UBE2O: variants seen among roughly 807,000 people sequenced by gnomAD.
UBE2O encodes the protein (E3-independent) E2 ubiquitin-conjugating enzyme.
A neutral mutation model predicts 125.8 loss-of-function variants in UBE2O; 15 were observed. That is an observed-to-expected ratio of 0.12 (90% CI 0.08 to 0.18). The LOEUF is 0.18. UBE2O is among the 10% of genes least tolerant of loss of function. The pLI is 1.00. For missense variants in UBE2O, 1,280 were observed against 1,723.6 expected (o/e 0.74, Z 4.56); for synonymous variants, 708 against 703.2 (o/e 1.01, Z -0.11).
chr17:76,395,494 G>A lies in UBE2O; in HGVS notation c.2946+231C>T. On this transcript the variant is annotated intron_variant, in intron 15 of 17. Coordinates refer to ENST00000319380, the MANE Select transcript of UBE2O (RefSeq NM_022066.4). The surrounding 1 kb of genome is among the most constrained non-coding windows in gnomAD (Gnocchi z 5.0). ...GGTGTGAGCCACTGCGCCCGGCCGA[G>A]AAAGTAATTTTTTAAAGGAGGGAGG... 1 of 489,022 alleles carries A rather than the reference G, an allele frequency of 2.0e-6. No homozygotes were observed. The allele number at this position is 489,022 out of a possible 1,614,324, so 30.3% of individuals were successfully genotyped here.
rs112775865 is a variant in UBE2O at position 76,392,218 on chromosome 17, A to G, written c.2947-105T>C. The G allele has an allele frequency of 3.3e-4, 224 of 681,808 alleles. No individual in the cohort carries two copies. The Middle Eastern group carries it at 3.7e-3, about 11-fold the overall frequency. 42.2% of individuals were successfully genotyped at this position (681,808 alleles called of 1,614,324 possible). A position where few individuals can be genotyped will look rare whatever the true frequency, so the allele number is the denominator to read the frequency against. On this transcript the variant is annotated intron_variant, in intron 15 of 17. Coordinates refer to ENST00000319380, the MANE Select transcript of UBE2O (RefSeq NM_022066.4). ...CCTGCTCTTTCCCAGGACACTGTGCAGATCACGCAGGAAGAGCAGCACCTG... is the reference window on the plus strand; with the variant it reads ...CCTGCTCTTTCCCAGGACACTGTGCGGATCACGCAGGAAGAGCAGCACCTG...
At chr17:76,401,248 C>T (rs1281355511) in intron 5 of UBE2O, 94 bp from the exon 6 acceptor site, 8 of 1,445,430 alleles carry the variant, frequency 5.5e-6, no homozygotes, top group Non-Finnish European at 7.5e-6. Flanking sequence ...TGCCCACCTG[C>T]AGAAGCCCAC....
intron 1 of UBE2O, among the ~76,000 whole-genome samples, chr17:76,430,127 C>T (rs765290648): frequency 2.6e-5 from 4 of 152,158 alleles, no homozygotes; most frequent in African/African-American, 4.8e-5. Context: ...CAGGTACCAA[C>T]ATTTCAGCCT....
At chr17:76,406,825 G>A (rs1332478308) in intron 1 of UBE2O, among the ~76,000 whole-genome samples, 2 of 146,556 alleles carry the variant, frequency 1.4e-5, no homozygotes, top group African/African-American at 5.1e-5. Context: ...TCAGCCTCCC[G>A]AGTAGGTGGG....
chr17:76,393,790 G>A lies in UBE2O; in HGVS notation c.2947-1677C>T, dbSNP rs994505340. 5.3e-5 allele frequency among the ~76,000 whole-genome samples: 8 copies of A among 152,084 alleles called. 1 individual carries two copies. The highest frequency in any genetic ancestry group is 4.2e-4 in the South Asian group (2 of 4,798). On this transcript the variant is annotated intron_variant, in intron 15 of 17. Coordinates refer to ENST00000319380, the MANE Select transcript of UBE2O (RefSeq NM_022066.4). ...TTTGCGTGCATCTGTGCACACACGC[G>A]TGTGTGTGGGATCTCAACTGACAGG...
At chr17:76,420,033 C>G (rs1348490877) in intron 1 of UBE2O, among the ~76,000 whole-genome samples, 10 of 152,192 alleles carry the variant, frequency 6.6e-5, no homozygotes, top group Admixed American at 6.5e-5. Flanking sequence ...CAGCAGAAAG[C>G]TGCTGCCTCA....
intron 1 of UBE2O, among the ~76,000 whole-genome samples, chr17:76,412,872 G>C (rs1192686420): frequency 6.6e-6 from 1 of 152,158 alleles, no homozygotes; most frequent in Non-Finnish European, 1.5e-5. Context: ...CCTGGGCGTG[G>C]TGGTGGGCAC....
Position 76,397,883 on chromosome 17 carries a change from C to G in UBE2O, c.2031G>C (p.Ser677=). 6.2e-7 allele frequency: 1 copy of G among 1,614,050 alleles called. No individual in the cohort carries two copies. The highest frequency in any genetic ancestry group is 8.5e-7 in the Non-Finnish European group (1 of 1,180,032). Residue 677 remains serine (S), a synonymous_variant, in exon 13 of 18, where the codon TCG becomes TCC. Coordinates refer to ENST00000319380, the MANE Select transcript of UBE2O (RefSeq NM_022066.4). The part of the protein sequence containing the change: ...DGAPHKEDEP[S]VGQVARVDVS... ...CGTCCACACGGGCCACCTGGCCCAC[C>G]GATGGCTGCTGGGCAAAGGGGACAA...
chr17:76,438,435 T>C (rs745860384), intron 1 of UBE2O, among the ~76,000 whole-genome samples: 3 of 152,182 alleles, frequency 2.0e-5, no homozygotes, highest in Admixed American at 6.5e-5. Context: ...ATGTCCCTAC[T>C]CCTGCTCTGT....
chr17:76,399,475 G>C lies in UBE2O; in HGVS notation c.1602C>G (p.Ile534Met). ...TGTCCCCTGGCTTGAAGTCTCGAGT[G>C]ATTTTATTCTTCTTCCTCTTGTGTT... ...KRKHKRKKNK[I>M]TRDFKPGDRV... The change falls in exon 9 of 18, where the codon ATC becomes ATG. Residue 534 changes from isoleucine (I) to methionine (M), a missense_variant. Coordinates refer to ENST00000319380, the MANE Select transcript of UBE2O (RefSeq NM_022066.4). The surrounding 1 kb of genome is among the most constrained non-coding windows in gnomAD (Gnocchi z 6.9). 6.2e-7 allele frequency: 1 copy of C among 1,614,140 alleles called. No individual in the cohort carries two copies. The highest frequency in any genetic ancestry group is 1.1e-5 in the South Asian group (1 of 91,070).
At chr17:76,418,670 C>T (rs970639391) in intron 1 of UBE2O, among the ~76,000 whole-genome samples, 8 of 151,710 alleles carry the variant, frequency 5.3e-5, no homozygotes, top group Non-Finnish European at 7.4e-5. Flanking sequence ...CCTGGGTTCA[C>T]GCCATTCTCC....
chr17:76,415,811 G>C lies in UBE2O; in HGVS notation c.418-10239C>G, dbSNP rs1329476651. Among the ~76,000 whole-genome samples, 9 of 151,792 alleles carry C rather than the reference G, an allele frequency of 5.9e-5. No homozygotes were observed. In the East Asian group the frequency reaches 1.7e-3, roughly 29 times the overall value. On this transcript the variant is annotated intron_variant, in intron 1 of 17. Coordinates refer to ENST00000319380, the MANE Select transcript of UBE2O (RefSeq NM_022066.4). Reference sequence around the variant, plus strand: ...AGAGCAAGACTGTGTGTGTGTGTGTGTGTGTGTGTGTGTGTGTGCATACAC... The same window carrying C: ...AGAGCAAGACTGTGTGTGTGTGTGTCTGTGTGTGTGTGTGTGTGCATACAC...
intron 1 of UBE2O, among the ~76,000 whole-genome samples, chr17:76,422,302 G>A (rs1007378288): frequency 2.6e-5 from 4 of 152,262 alleles, no homozygotes; most frequent in East Asian, 1.9e-4. Context: ...GGCAAAGGGC[G>A]GCTCACTTTA....
In UBE2O at chr17:76,398,113, G is replaced by A; in HGVS notation, c.2025+142C>T. On this transcript the variant is annotated intron_variant, in intron 12 of 17. Transcript: ENST00000319380. The surrounding 1 kb of genome is among the most constrained non-coding windows in gnomAD (Gnocchi z 5.4). The stretch of plus-strand genomic sequence containing the variant: ...TAGTGCTGAGCGGCAGCTTGACTCT[G>A]GGGCAGCTGCCCTTCTGAGGACACT... 3 of 1,192,672 alleles carry A rather than the reference G, an allele frequency of 2.5e-6. No individual in the cohort carries two copies. Among genetic ancestry groups the A allele is most frequent in the Non-Finnish European group, 3.6e-6 (3 of 836,878 alleles). 73.9% of individuals were successfully genotyped at this position (1,192,672 alleles called of 1,614,324 possible). A position where few individuals can be genotyped will look rare whatever the true frequency, so the allele number is the denominator to read the frequency against.
At chr17:76,416,093 A>G (rs372651010) in intron 1 of UBE2O, among the ~76,000 whole-genome samples, 3 of 151,590 alleles carry the variant, frequency 2.0e-5, no homozygotes, top group South Asian at 4.1e-4. Context: ...ATGTACATAC[A>G]TGTATATGCG....
At position 76,398,683 on chromosome 17, in the gene UBE2O, G is replaced by A. The variant is rs569150944; in HGVS notation, c.1784-99C>T. Reference sequence around the variant, plus strand: ...GAGTGCAGAACCCTGACCTTCCCCCGTCTTGGAAGTGGTGAGACCCCTTCA... The same window carrying A: ...GAGTGCAGAACCCTGACCTTCCCCCATCTTGGAAGTGGTGAGACCCCTTCA... On this transcript the variant is annotated intron_variant, in intron 10 of 17. Coordinates refer to ENST00000319380, the MANE Select transcript of UBE2O (RefSeq NM_022066.4). This position sits in a 1 kb window ranked among gnomAD's most constrained non-coding sequence, Gnocchi z 5.4. The A allele has an allele frequency of 5.8e-5, 85 of 1,466,548 alleles. No individual in the cohort carries two copies. The East Asian group carries it at 7.3e-4, about 13-fold the overall frequency. 90.8% of individuals were successfully genotyped at this position (1,466,548 alleles called of 1,614,324 possible). A position where few individuals can be genotyped will look rare whatever the true frequency, so the allele number is the denominator to read the frequency against.
intron 1 of UBE2O, among the ~76,000 whole-genome samples, chr17:76,424,687 C>CA (rs1336234834): frequency 1.3e-5 from 2 of 151,716 alleles, no homozygotes; most frequent in African/African-American, 4.8e-5. Context: ...CCAGCCTGGG[C>CA]AACAGAGTAA....
chr17:76,449,736 C>T lies in UBE2O; in HGVS notation c.417+2989G>A, dbSNP rs558686987. ...GAGTTCAAGAACAGCCTGGCCACCA[C>T]GGAGAAACCCCGTCTCCACTAAAAA... is the stretch of plus-strand genomic sequence containing the variant. On this transcript the variant is annotated intron_variant, in intron 1 of 17. Transcript: ENST00000319380. Among the ~76,000 whole-genome samples the T allele has an allele frequency of 4.6e-5, 7 of 151,600 alleles. No homozygotes were observed. The East Asian group carries it at 7.8e-4, about 17-fold the overall frequency.
chr17:76,423,642 G>A (rs375378883), intron 1 of UBE2O, among the ~76,000 whole-genome samples: 41 of 147,740 alleles, frequency 2.8e-4, no homozygotes, highest in African/African-American at 7.5e-4. Flanking sequence ...GCAGTGAGCC[G>A]AGATCACAAC....
Sources: allele counts gnomAD v4.1 joint callset (sites outside exome capture counted in the v4.1 genomes callset), GRCh38; gene constraint gnomAD v4.1.1; non-coding constraint Gnocchi (gnomAD v3.1); transcripts MANE v1.5; gene names NCBI Gene and HGNC (gene_info 2026-07-23, HGNC 2026-07-21).